EPRS1: variants seen among roughly 807,000 people sequenced by gnomAD.
The protein encoded by EPRS1 is glutamyl-prolyl-tRNA synthetase 1.
EPRS1 carries 107 observed loss-of-function variants against 188.3 expected under a neutral mutation model. That is an observed-to-expected ratio of 0.57 (90% CI 0.49 to 0.67). The LOEUF is 0.67. EPRS1 is among the 30% of genes least tolerant of loss of function. EPRS1 has a pLI of 0.00. For missense variants in EPRS1, 1,577 were observed against 1,802.2 expected, an observed-to-expected ratio of 0.88 and a Z score of 2.26; for synonymous variants, 596 against 593.1, an observed-to-expected ratio of 1.00 and a Z score of -0.07.
At chr1:219,993,171 G>A (rs150806664) in intron 18 of EPRS1, among the ~76,000 whole-genome samples, 36 of 150,344 alleles carry the variant, frequency 2.4e-4, no homozygotes, top group Middle Eastern at 3.8e-3. Flanking sequence ...CGAGGCTGCA[G>A]TGAACCATGA....
intron 28 of EPRS1, among the ~76,000 whole-genome samples, chr1:219,974,169 C>T (rs997819043): frequency 6.6e-6 from 1 of 152,170 alleles, no homozygotes; most frequent in African/African-American, 2.4e-5. Context: ...GTGTCGAACA[C>T]CTGGCCTCAA....
At chr1:220,022,996 G>A (rs574879157) in intron 8 of EPRS1, among the ~76,000 whole-genome samples, 3 of 152,282 alleles carry the variant, frequency 2.0e-5, no homozygotes, top group South Asian at 4.1e-4. Context: ...ACTACAGACC[G>A]TGCCTATCTA....
intron 13 of EPRS1, among the ~76,000 whole-genome samples, chr1:220,010,383 T>TA (rs907454897): frequency 1.3e-5 from 2 of 152,052 alleles, no homozygotes; most frequent in Non-Finnish European, 2.9e-5. Context: ...CTCTACACAA[T>TA]AAAAAATAAG....
intron 30 of EPRS1, among the ~76,000 whole-genome samples, chr1:219,970,777 C>CAAAAA (rs35656997): frequency 2.3e-5 from 3 of 131,352 alleles, no homozygotes; most frequent in Non-Finnish European, 3.2e-5. Context: ...GACCCTGTAC[C>CAAAAA]AAAAAAAAAA....
At chr1:219,969,211 C>T in intron 30 of EPRS1, 89 bp from the exon 31 acceptor site, 2 of 952,504 alleles carry the variant, frequency 2.1e-6, no homozygotes, top group Non-Finnish European at 3.3e-6. Flanking sequence ...ATTAAACTGG[C>T]AAGCAAAAAG....
At chr1:219,981,044 G>A (rs988900350) in intron 24 of EPRS1, among the ~76,000 whole-genome samples, 187 bp from the exon 25 acceptor site, 1 of 152,006 alleles carries the variant, frequency 6.6e-6, no homozygotes, top group African/African-American at 2.4e-5. Flanking sequence ...GGCTACAGGT[G>A]CACGCCAATG....
intron 12 of EPRS1, among the ~76,000 whole-genome samples, chr1:220,012,916 A>ACTAAGTGGAGGGGGAAGGACC (rs1661634741): frequency 9.8e-6 from 1 of 101,868 alleles, no homozygotes; most frequent in Non-Finnish European, 2.1e-5. Context: ...TTTAATTTTC[A>ACTAAGTGGAGGGGGAAGGACC]AGAAAACTTT....
intron 12 of EPRS1, chr1:220,018,211 T>C: frequency 7.9e-7 from 1 of 1,258,894 alleles, no homozygotes; most frequent in Non-Finnish European, 1.1e-6. Context: ...ATATTACTGT[T>C]CCCCATAATT....
At chr1:219,973,167 A>T (rs937875537) in intron 29 of EPRS1, 71 bp downstream of exon 29, 12 of 1,390,848 alleles carry the variant, frequency 8.6e-6, no homozygotes, top group Non-Finnish European at 1.2e-5. Context: ...AACCCCAAAA[A>T]TTCCTTGGTA....
In EPRS1 at chr1:220,033,541, A is replaced by T. The variant is rs1662123902; in HGVS notation, c.349T>A (p.Leu117Met). 1 of 1,612,114 alleles carries T rather than the reference A, an allele frequency of 6.2e-7. No homozygotes were observed. Among genetic ancestry groups the T allele is most frequent in the South Asian group, 1.1e-5 (1 of 90,966 alleles). Residue 117 changes from leucine to methionine, a missense_variant, in exon 4 of 32, where the codon TTG (leucine) becomes ATG (methionine). By Grantham distance (15) the Leu-to-Met change is conservative (BLOSUM62 2). This residue lies in a region of EPRS1 where 1,278 missense variants were observed against 1,457.4 expected (regional missense o/e 0.88). Transcript: ENST00000366923. ...SLRTYLVGNS[L>M]SLADLCVWAT... ...CAAACACATAAATCTGCTAAACTCA[A>T]GGAGTTTCCAACTAAGTATGTTCTC...
At chr1:219,990,659 G>T (rs1474803258) in intron 18 of EPRS1, among the ~76,000 whole-genome samples, 1 of 152,158 alleles carries the variant, frequency 6.6e-6, no homozygotes, top group Non-Finnish European at 1.5e-5. Flanking sequence ...ATCTAAATGT[G>T]CATTTTAATC....
chr1:219,981,807 A>T (rs753470670), intron 23 of EPRS1, among the ~76,000 whole-genome samples: 7 of 152,218 alleles, frequency 4.6e-5, no homozygotes, highest in Non-Finnish European at 7.3e-5. Context: ...CTCTGCATTC[A>T]TTGACCTGTT....
Position 220,018,449 on chromosome 1 carries a change from CT to C in EPRS1, c.1493del (p.Lys498ArgfsTer14), listed in dbSNP as rs1371737626. 1.2e-6 allele frequency: 2 copies of C among 1,607,498 alleles called. No individual in the cohort carries two copies. Among genetic ancestry groups the C allele is most frequent in the South Asian group, 1.1e-5 (1 of 90,906 alleles). ...EWDKIWAFNK[K>X]VIDPVAPRYV... is the part of the protein sequence containing the mutation. ...GAAGGCAGAGAGTTAACATACATAC[CT>C]TTTTGTTAAACGCCCAGATTTTGTC... On this transcript the variant is annotated frameshift_variant and splice_region_variant, in exon 12 of 32. Coordinates refer to ENST00000366923, the MANE Select transcript of EPRS1 (RefSeq NM_004446.3). LOFTEE classifies it high-confidence loss of function.
Position 220,046,355 on chromosome 1 carries a change from C to T in EPRS1, c.34G>A (p.Asp12Asn), listed in dbSNP as rs201641265. The part of the protein sequence containing the change: ...ATLSLTVNSG[D>N]PPLGALLAVE... The stretch of plus-strand genomic sequence containing the variant: ...CTCGGCCCCTTACCTAGCGGAGGGT[C>T]TCCTGAATTCACGGTCAGAGAGAGC... The change falls in exon 1 of 32, where the codon GAC (aspartate) becomes AAC (asparagine). Residue 12 changes from aspartate (D) to asparagine (N), a missense_variant. By Grantham distance (23) the Asp-to-Asn change is conservative. This residue lies in a region of EPRS1 where 1,278 missense variants were observed against 1,457.4 expected (regional missense o/e 0.88). Coordinates refer to ENST00000366923, the MANE Select transcript of EPRS1 (RefSeq NM_004446.3). The T allele has an allele frequency of 1.5e-5, 25 of 1,614,148 alleles. No individual in the cohort carries two copies. In the East Asian group the frequency reaches 5.1e-4, roughly 33 times the overall value.
At chr1:220,042,437 T>C (rs1662314348) in intron 1 of EPRS1, among the ~76,000 whole-genome samples, 1 of 143,764 alleles carries the variant, frequency 7.0e-6, no homozygotes, top group Non-Finnish European at 1.5e-5. Context: ...TGAGCCAAGA[T>C]CGTACCACTG....
In EPRS1 at chr1:220,032,328, C is replaced by T. The variant is rs149142917; in HGVS notation, c.528+59G>A. On this transcript the variant is annotated intron_variant, in intron 5 of 31. Coordinates refer to ENST00000366923, the MANE Select transcript of EPRS1 (RefSeq NM_004446.3). ...GTCTCAATCTCCTGACCTTGTGATC[C>T]GCCCGCCTCAGCCTCCCAAAGTGTT... The T allele has an allele frequency of 1.7e-4, 246 of 1,418,916 alleles. 2 individuals are homozygous for T. In the African/African-American group the frequency reaches 2.2e-3, roughly 13 times the overall value. 87.9% of individuals were successfully genotyped at this position (1,418,916 alleles called of 1,614,324 possible).
intron 9 of EPRS1, 63 bp downstream of exon 9, chr1:220,022,284 T>C (rs1254783914): frequency 7.6e-6 from 11 of 1,441,598 alleles, no homozygotes; most frequent in South Asian, 3.9e-5. Context: ...GTACTCCATG[T>C]TTAAAGAAGA....
At chr1:220,022,876 T>A (rs1661905081) in intron 8 of EPRS1, among the ~76,000 whole-genome samples, 1 of 152,206 alleles carries the variant, frequency 6.6e-6, no homozygotes, top group Non-Finnish European at 1.5e-5. Flanking sequence ...TCTTCTCATC[T>A]CCCTGAAATT....
At chr1:220,042,076 G>A (rs1259702169) in intron 1 of EPRS1, among the ~76,000 whole-genome samples, 1 of 151,884 alleles carries the variant, frequency 6.6e-6, no homozygotes, top group Non-Finnish European at 1.5e-5. Context: ...AGCTACTTGG[G>A]AGGCTGAGGC....
Sources: gnomAD v4.1 joint callset for allele counts (sites outside exome capture counted in the v4.1 genomes callset) on GRCh38, gnomAD v4.1.1 for gene constraint, gnomAD v4.1.1 regional missense constraint, MANE v1.5 for transcripts, NCBI Gene and HGNC (gene_info 2026-07-23, HGNC 2026-07-21) for gene names.